Variants in CRPPA observed in about 807,000 individuals in gnomAD.
CRPPA encodes the protein CDP-L-ribitol pyrophosphorylase A.
CRPPA carries 43 observed loss-of-function variants against 52.0 expected under a neutral mutation model. The observed-to-expected ratio is 0.83, with a 90% CI of 0.65 to 1.07. CRPPA has a LOEUF of 1.07. Ranked by LOEUF, CRPPA falls within the 50% of genes least tolerant of loss-of-function variation. The pLI, the probability that CRPPA is intolerant of heterozygous loss-of-function variation, is 0.00. For synonymous variants in CRPPA, 250 were observed against 203.5 expected (o/e 1.23, Z -1.94); for missense variants, 629 against 551.7 (o/e 1.14, Z -1.40).
chr7:16,367,269 G>T (rs1261001986), intron 3 of CRPPA, among the ~76,000 whole-genome samples: 1 of 152,076 alleles, frequency 6.6e-6, no homozygotes, highest in Admixed American at 6.6e-5. Context: ...TGTGACATGA[G>T]GTTTCCCCTG....
chr7:16,218,007 A>C, intron 8 of CRPPA, among the ~76,000 whole-genome samples: 1 of 151,274 alleles, frequency 6.6e-6, no homozygotes, highest in Non-Finnish European at 1.5e-5. Flanking sequence ...ACCAAAGATG[A>C]AATGAAGGAA....
chr7:16,102,204 G>A (rs917650846), intron 9 of CRPPA, among the ~76,000 whole-genome samples: 1 of 152,042 alleles, frequency 6.6e-6, no homozygotes, highest in Non-Finnish European at 1.5e-5. Flanking sequence ...CAATCAATGG[G>A]GAAAGGATTC....
intron 9 of CRPPA, among the ~76,000 whole-genome samples, chr7:16,193,775 G>C (rs545146792): frequency 6.6e-6 from 1 of 151,966 alleles, no homozygotes; most frequent in African/African-American, 2.4e-5. Context: ...TTGCTGAAGC[G>C]GGACAAAAAT....
At chr7:16,383,798 C>T (rs1373401234) in intron 2 of CRPPA, among the ~76,000 whole-genome samples, 1 of 152,238 alleles carries the variant, frequency 6.6e-6, no homozygotes, top group Admixed American at 6.5e-5. Flanking sequence ...ACCCTCCAAG[C>T]CATGTGCGGG....
At chr7:16,271,862 T>C (rs760634297) in intron 6 of CRPPA, among the ~76,000 whole-genome samples, 4 of 152,222 alleles carry the variant, frequency 2.6e-5, no homozygotes, top group Non-Finnish European at 4.4e-5. Flanking sequence ...GAAATCATAC[T>C]TGCTCAGTTC....
chr7:16,387,779 A>G (rs189460509), intron 2 of CRPPA, among the ~76,000 whole-genome samples: 1 of 152,342 alleles, frequency 6.6e-6, no homozygotes, highest in East Asian at 1.9e-4. Context: ...GAAAAATACT[A>G]TAAACCAAAT....
At chr7:16,255,881 G>A (rs971923163) in intron 8 of CRPPA, among the ~76,000 whole-genome samples, 2 of 152,002 alleles carry the variant, frequency 1.3e-5, no homozygotes, top group Admixed American at 6.6e-5. Context: ...ACATAAAGAT[G>A]GGCAAAGTCT....
At chr7:16,276,703 T>C (rs1784209961) in intron 6 of CRPPA, 2 of 152,144 alleles carry the variant, frequency 1.3e-5, no homozygotes, top group African/African-American at 2.4e-5. Flanking sequence ...AACATAAGGA[T>C]TGTAGTGGCT....
intron 6 of CRPPA, among the ~76,000 whole-genome samples, chr7:16,262,509 T>C (rs1783836202): frequency 6.6e-6 from 1 of 152,190 alleles, no homozygotes. Context: ...CAAAAAGGTA[T>C]AATTTGGGAG....
At chr7:16,231,784 C>T (rs1024687675) in intron 8 of CRPPA, among the ~76,000 whole-genome samples, 5 of 152,140 alleles carry the variant, frequency 3.3e-5, no homozygotes. Context: ...CTACCTCAAC[C>T]AACTTTTAAA....
At chr7:16,286,072 T>TAAAA (rs1784435530) in intron 5 of CRPPA, among the ~76,000 whole-genome samples, 1 of 20,600 alleles carries the variant, frequency 4.9e-5, no homozygotes, top group African/African-American at 3.2e-4. Context: ...TATATATATA[T>TAAAA]ATATATATAA....
At chr7:16,197,027 G>A (rs10231424) in intron 9 of CRPPA, among the ~76,000 whole-genome samples, 149,135 of 149,824 alleles carry the variant, frequency 1, 74,223 homozygotes, top group Middle Eastern at 1. Context: ...CTTAAAAAAA[G>A]AAAAAGCTAT....
chr7:16,160,583 G>C (rs1299356555), intron 9 of CRPPA, among the ~76,000 whole-genome samples: 2 of 152,164 alleles, frequency 1.3e-5, no homozygotes, highest in Admixed American at 1.3e-4. Flanking sequence ...AGTATAGATT[G>C]AAGTCAGGTA....
chr7:16,223,147 C>A (rs1782566487), intron 8 of CRPPA, among the ~76,000 whole-genome samples: 1 of 152,088 alleles, frequency 6.6e-6, no homozygotes, highest in Non-Finnish European at 1.5e-5. Flanking sequence ...GAAAAGTTAG[C>A]CAGGCATGGT....
At chr7:16,095,744 G>T (rs1371705901) in intron 9 of CRPPA, among the ~76,000 whole-genome samples, 1 of 152,150 alleles carries the variant, frequency 6.6e-6, no homozygotes, top group African/African-American at 2.4e-5. Context: ...AAAAGACATA[G>T]ATTAACAATT....
chr7:16,112,474 T>C (rs1193902314), intron 9 of CRPPA, among the ~76,000 whole-genome samples: 1 of 152,148 alleles, frequency 6.6e-6, no homozygotes, highest in African/African-American at 2.4e-5. Flanking sequence ...ATTTAGAAGA[T>C]ACCTTCAAAT....
intron 5 of CRPPA, among the ~76,000 whole-genome samples, chr7:16,282,683 T>C (rs760782772): frequency 3.7e-4 from 57 of 152,218 alleles, no homozygotes; most frequent in Admixed American, 9.2e-4. Flanking sequence ...GCTATATTAA[T>C]AGGAGACTTT....
intron 3 of CRPPA, among the ~76,000 whole-genome samples, chr7:16,370,062 C>G (rs1259748690): frequency 6.6e-6 from 1 of 152,198 alleles, no homozygotes; most frequent in Non-Finnish European, 1.5e-5. Context: ...TGCAGGCACT[C>G]CCAGTCTCCA....
intron 3 of CRPPA, among the ~76,000 whole-genome samples, chr7:16,311,995 C>G (rs1785043976): frequency 6.6e-6 from 1 of 152,014 alleles, no homozygotes; most frequent in Non-Finnish European, 1.5e-5. Context: ...ATTCTTTAAG[C>G]CAGCACCACA....
Sources: allele counts gnomAD v4.1 joint callset (sites outside exome capture counted in the v4.1 genomes callset), GRCh38; gene constraint gnomAD v4.1.1; transcripts MANE v1.5; gene names NCBI Gene and HGNC (gene_info 2026-07-23, HGNC 2026-07-21).